Variants in STXBP5 observed in about 807,000 individuals in gnomAD.
STXBP5 encodes the protein syntaxin-binding protein 5.
In STXBP5, 50 loss-of-function variants were observed where a neutral mutation model predicts 152.4. The observed-to-expected ratio is 0.33, with a 90% CI of 0.26 to 0.42. STXBP5 has a LOEUF of 0.42. STXBP5 is among the 10% of genes least tolerant of loss of function. STXBP5 has a pLI of 1.00. For synonymous variants in STXBP5, 492 were observed against 494.7 expected (o/e 0.99, Z 0.07); for missense variants, 1,167 against 1,388.6 (o/e 0.84, Z 2.54).
chr6:147,288,052 T>G (rs1781078666), intron 8 of STXBP5, among the ~76,000 whole-genome samples: 1 of 152,110 alleles, frequency 6.6e-6, no homozygotes, highest in Non-Finnish European at 1.5e-5. Context: ...GCAGGCAGCC[T>G]TTTAGACCGC....
chr6:147,373,886 G>A (rs760015121), intron 26 of STXBP5, 44 bp downstream of exon 26: 2 of 1,474,996 alleles, frequency 1.4e-6, no homozygotes, highest in Admixed American at 2.0e-5. Flanking sequence ...TATAAAACAG[G>A]AACAAGCCAT....
intron 2 of STXBP5, among the ~76,000 whole-genome samples, chr6:147,232,503 G>A (rs966175286): frequency 1.3e-5 from 2 of 151,672 alleles, no homozygotes; most frequent in Non-Finnish European, 3.0e-5. Flanking sequence ...TTCTTCTACT[G>A]CATAGGGCAG....
Position 147,310,677 on chromosome 6 carries a change from A to C in STXBP5, c.1072+439A>C, listed in dbSNP as rs151038370. ...TTCATGTTGCAGTCTTGAGTCTGAA[A>C]TCTATAGATTGAAATTTCAGACATG... On this transcript the variant is annotated intron_variant, in intron 10 of 27. Coordinates refer to ENST00000321680, the MANE Select transcript of STXBP5 (RefSeq NM_001127715.4). Among the ~76,000 whole-genome samples, 4 of 152,224 alleles carry C rather than the reference A, an allele frequency of 2.6e-5. No homozygotes were observed. In the East Asian group the frequency reaches 7.7e-4, roughly 29 times the overall value.
intron 22 of STXBP5, among the ~76,000 whole-genome samples, chr6:147,354,543 CA>C (rs111492564): frequency 1.3e-4 from 19 of 151,560 alleles, no homozygotes; most frequent in African/African-American, 4.1e-4. Flanking sequence ...TAGCAGAATC[CA>C]GAGTTTTCAT....
chr6:147,348,250 T>C (rs1784428031), intron 21 of STXBP5, among the ~76,000 whole-genome samples: 1 of 152,130 alleles, frequency 6.6e-6, no homozygotes, highest in Non-Finnish European at 1.5e-5. Context: ...TTCTTCTGCC[T>C]GCCACTTACA....
intron 4 of STXBP5, among the ~76,000 whole-genome samples, chr6:147,239,978 T>G (rs1392551783): frequency 6.6e-6 from 1 of 151,916 alleles, no homozygotes; most frequent in African/African-American, 2.4e-5. Context: ...GGTCTTGCTC[T>G]GTCGCCCAGG....
chr6:147,357,335 A>C (rs892676783), intron 22 of STXBP5, among the ~76,000 whole-genome samples: 4 of 152,108 alleles, frequency 2.6e-5, no homozygotes, highest in African/African-American at 9.7e-5. Flanking sequence ...GCCTAAAAGT[A>C]GGTAAGTGCA....
At chr6:147,340,214 T>C (rs1340419102) in intron 21 of STXBP5, among the ~76,000 whole-genome samples, 1 of 152,074 alleles carries the variant, frequency 6.6e-6, no homozygotes, top group Non-Finnish European at 1.5e-5. Context: ...TCTAGGCAGA[T>C]GGAATAGTTT....
At chr6:147,250,312 A>C (rs533362577) in intron 4 of STXBP5, among the ~76,000 whole-genome samples, 1 of 152,120 alleles carries the variant, frequency 6.6e-6, no homozygotes, top group Admixed American at 6.6e-5. Flanking sequence ...CTTTCTCTCA[A>C]TTTCAATGGG....
At chr6:147,277,005 A>T (rs950455658) in intron 7 of STXBP5, among the ~76,000 whole-genome samples, 38 of 152,088 alleles carry the variant, frequency 2.5e-4, no homozygotes, top group Non-Finnish European at 5.2e-4. Context: ...CATTAAATGC[A>T]TTTTTGACTT....
At chr6:147,259,838 A>C (rs1185723398) in intron 4 of STXBP5, among the ~76,000 whole-genome samples, 1 of 152,152 alleles carries the variant, frequency 6.6e-6, no homozygotes, top group Non-Finnish European at 1.5e-5. Flanking sequence ...AAAACAGGAC[A>C]AGACGGTATT....
At chr6:147,250,935 T>TCCAGCATG (rs1779053227) in intron 4 of STXBP5, among the ~76,000 whole-genome samples, 1 of 123,502 alleles carries the variant, frequency 8.1e-6, no homozygotes, top group South Asian at 2.6e-4. Context: ...ATCACTGCAC[T>TCCAGCATG]CCAGCATGGG....
chr6:147,210,888 C>T (rs1211938731), intron 2 of STXBP5, among the ~76,000 whole-genome samples: 1 of 152,138 alleles, frequency 6.6e-6, no homozygotes, highest in Admixed American at 6.5e-5. Flanking sequence ...TCAGGTCCTT[C>T]ATTTCTCTCA....
chr6:147,308,189 A>G (rs1186784203), intron 9 of STXBP5, among the ~76,000 whole-genome samples: 1 of 152,172 alleles, frequency 6.6e-6, no homozygotes, highest in Non-Finnish European at 1.5e-5. Context: ...ATCTCAAGGT[A>G]TAGAAGAGTG....
chr6:147,330,162 T>G (rs530748031), intron 18 of STXBP5, among the ~76,000 whole-genome samples: 1 of 152,250 alleles, frequency 6.6e-6, no homozygotes, highest in African/African-American at 2.4e-5. Flanking sequence ...AGTAATGAAG[T>G]ATTTCAGCTA....
At chr6:147,247,870 T>G (rs752653609) in intron 4 of STXBP5, among the ~76,000 whole-genome samples, 1 of 152,196 alleles carries the variant, frequency 6.6e-6, no homozygotes, top group Non-Finnish European at 1.5e-5. Context: ...GAGACTGTTC[T>G]AGTTCCAAAA....
chr6:147,257,955 A>T (rs1779454536), intron 4 of STXBP5, among the ~76,000 whole-genome samples: 2 of 152,150 alleles, frequency 1.3e-5, no homozygotes, highest in African/African-American at 4.8e-5. Context: ...AGGTTGGATG[A>T]TCTAGCTTGC....
intron 21 of STXBP5, chr6:147,351,965 G>GCT: frequency 1.1e-6 from 1 of 906,796 alleles, no homozygotes; most frequent in Non-Finnish European, 1.3e-6. Context: ...ATTAACAAAT[G>GCT]CTTTTTGAAA....
In STXBP5 at chr6:147,363,980, G is replaced by A. The variant is rs370363103; in HGVS notation, c.2916-21G>A. The A allele has an allele frequency of 1.4e-5, 23 of 1,608,286 alleles. No individual in the cohort carries two copies. The African/African-American group carries it at 2.7e-4, about 19-fold the overall frequency. On this transcript the variant is annotated intron_variant, in intron 24 of 27. Transcript: ENST00000321680. The stretch of plus-strand genomic sequence containing the variant: ...CTAAAACCTACCTTATTATTAACAA[G>A]TTTTTAATTTTTTTCTCAAGTTTGC...
Sources: allele counts gnomAD v4.1 joint callset (sites outside exome capture counted in the v4.1 genomes callset), GRCh38; gene constraint gnomAD v4.1.1; transcripts MANE v1.5; gene names NCBI Gene and HGNC (gene_info 2026-07-23, HGNC 2026-07-21).